UGT1A8: variants seen among roughly 807,000 people sequenced by gnomAD.
The protein encoded by UGT1A8 is UDP-glucuronosyltransferase 1A8.
In UGT1A8, 39 loss-of-function variants were observed where a neutral mutation model predicts 45.3. The ratio of observed to expected loss-of-function variants is 0.86; its 90% CI spans 0.67 to 1.12. UGT1A8 has a LOEUF of 1.12. Among genes scored for constraint, UGT1A8 ranks in the 50% most tolerant of loss-of-function variants. The pLI is 0.00. For missense variants in UGT1A8, 719 were observed against 664.9 expected (o/e 1.08, Z -0.90); for synonymous variants, 275 against 249.2 (o/e 1.10, Z -0.97).
intron 1 of UGT1A8, chr2:233,693,935 C>T (rs2075189717): frequency 6.2e-7 from 1 of 1,605,500 alleles, no homozygotes; most frequent in Non-Finnish European, 8.5e-7. Flanking sequence ...TCATTTGGCT[C>T]CTTGAGCCGA....
intron 1 of UGT1A8, among the ~76,000 whole-genome samples, chr2:233,653,465 C>A (rs2073786495): frequency 6.6e-6 from 1 of 152,178 alleles, no homozygotes; most frequent in South Asian, 2.1e-4. Context: ...CTTGTGCACT[C>A]AGGTTTGCAG....
intron 1 of UGT1A8, chr2:233,729,935 T>A (rs2077953750): frequency 6.2e-7 from 1 of 1,613,974 alleles, no homozygotes; most frequent in African/African-American, 1.3e-5. Context: ...AGGCCAATCA[T>A]GCCCAACATG....
In UGT1A8 at chr2:233,743,718, G is replaced by A. The variant is rs751411472; in HGVS notation, c.856-23316G>A. The stretch of plus-strand genomic sequence containing the variant: ...CCCTCCGCCCCCGCCTCGCCATAGC[G>A]GTCATAGATATCGCGTTTCTTGGCG... On this transcript the variant is annotated intron_variant, in intron 1 of 4. Transcript: ENST00000373450. The A allele has an allele frequency of 1.2e-5, 16 of 1,367,210 alleles. No homozygotes were observed. In the East Asian group the frequency reaches 1.8e-4, roughly 16 times the overall value. 84.7% of individuals were successfully genotyped at this position (1,367,210 alleles called of 1,614,324 possible). A position where few individuals can be genotyped will look rare whatever the true frequency, so the allele number is the denominator to read the frequency against.
intron 1 of UGT1A8, chr2:233,682,443 C>T (rs1480330917): frequency 6.2e-7 from 1 of 1,613,772 alleles, no homozygotes; most frequent in African/African-American, 1.3e-5. Flanking sequence ...GTGGTCTTCG[C>T]CAGGGGAATA....
intron 1 of UGT1A8, chr2:233,648,768 T>C (rs28444828): frequency 0.75 from 556,353 of 746,610 alleles, 209,333 homozygotes; most frequent in Middle Eastern, 0.79. Context: ...CCAGCCTGGA[T>C]GCCATGACTT....
chr2:233,648,543 C>T (rs1398879937), intron 1 of UGT1A8: 4 of 170,714 alleles, frequency 2.3e-5, no homozygotes, highest in African/African-American at 4.8e-5. Context: ...TCACTGCAAA[C>T]TGCACCTCCC....
chr2:233,742,226 C>T (rs1013770254), intron 1 of UGT1A8, among the ~76,000 whole-genome samples: 6 of 151,818 alleles, frequency 4.0e-5, no homozygotes, highest in Admixed American at 6.5e-5. Flanking sequence ...GGCTGAGAGC[C>T]CCAAACAGAG....
intron 1 of UGT1A8, among the ~76,000 whole-genome samples, chr2:233,658,288 G>A (rs1575406252): frequency 6.6e-6 from 1 of 152,032 alleles, no homozygotes; most frequent in Non-Finnish European, 1.5e-5. Flanking sequence ...CAAAGTGCTG[G>A]GATTACAGGT....
At chr2:233,628,284 A>G (rs1278426520) in intron 1 of UGT1A8, among the ~76,000 whole-genome samples, 1 of 152,026 alleles carries the variant, frequency 6.6e-6, no homozygotes, top group Non-Finnish European at 1.5e-5. Context: ...AGCTTTAAAA[A>G]TTTTTAGATA....
chr2:233,757,438 T>C (rs528123504), intron 1 of UGT1A8, among the ~76,000 whole-genome samples: 24 of 151,360 alleles, frequency 1.6e-4, no homozygotes, highest in African/African-American at 5.8e-4. Flanking sequence ...AAGTCACTTC[T>C]ATACAGAAAC....
chr2:233,636,410 A>G (rs1362770161), intron 1 of UGT1A8: 11 of 1,389,886 alleles, frequency 7.9e-6, no homozygotes, highest in Admixed American at 2.7e-5. Flanking sequence ...TTTTTTTATG[A>G]AAGGATAAAT....
chr2:233,714,550 T>C (rs1403377657), intron 1 of UGT1A8, among the ~76,000 whole-genome samples: 5 of 152,252 alleles, frequency 3.3e-5, no homozygotes, highest in African/African-American at 7.2e-5. Context: ...AAGTGTCCAA[T>C]AGAAATATCA....
intron 1 of UGT1A8, chr2:233,682,205 T>A: frequency 6.2e-7 from 1 of 1,614,090 alleles, no homozygotes; most frequent in Non-Finnish European, 8.5e-7. Flanking sequence ...GGACCGGGAG[T>A]TCATGGTTTT....
intron 1 of UGT1A8, among the ~76,000 whole-genome samples, chr2:233,641,481 TA>T (rs2073450753): frequency 6.6e-6 from 1 of 152,214 alleles, no homozygotes; most frequent in African/African-American, 2.4e-5. Flanking sequence ...AAAAGTTGTT[TA>T]GTTATTATTT....
intron 1 of UGT1A8, among the ~76,000 whole-genome samples, chr2:233,645,583 A>G (rs1205618317): frequency 6.6e-6 from 1 of 152,242 alleles, no homozygotes; most frequent in Non-Finnish European, 1.5e-5. Flanking sequence ...AAATTGGCCA[A>G]TAAGGGGGCT....
chr2:233,693,106 G>T, intron 1 of UGT1A8: 2 of 1,614,158 alleles, frequency 1.2e-6, no homozygotes, highest in Non-Finnish European at 8.5e-7. Flanking sequence ...TGGTCCCTCA[G>T]GACGGAAGCC....
At chr2:233,761,114 G>A (rs570314042) in intron 1 of UGT1A8, 1 of 1,614,204 alleles carries the variant, frequency 6.2e-7, no homozygotes, top group South Asian at 1.1e-5. Context: ...GTTTTTGTTG[G>A]TGGAATCAAC....
intron 1 of UGT1A8, among the ~76,000 whole-genome samples, chr2:233,627,240 G>A (rs577308851): frequency 1.3e-5 from 2 of 152,066 alleles, no homozygotes; most frequent in East Asian, 3.9e-4. Context: ...AGGCAGATAT[G>A]CTTTCCCCTC....
intron 1 of UGT1A8, among the ~76,000 whole-genome samples, chr2:233,658,672 C>A (rs1359392871): frequency 2.0e-5 from 3 of 152,194 alleles, no homozygotes; most frequent in Non-Finnish European, 4.4e-5. Flanking sequence ...AGTAAGACCA[C>A]AAAGGTAATG....
Sources: allele counts gnomAD v4.1 joint callset (sites outside exome capture counted in the v4.1 genomes callset), GRCh38; gene constraint gnomAD v4.1.1; transcripts MANE v1.5; gene names NCBI Gene and HGNC (gene_info 2026-07-23, HGNC 2026-07-21).